Variants in RHOA observed in about 807,000 individuals in gnomAD.
RHOA encodes the protein ras homolog family member A, also known as transforming protein RhoA.
A neutral mutation model predicts 17.5 loss-of-function variants in RHOA; 3 were observed. That is an observed-to-expected ratio of 0.17 (90% CI 0.08 to 0.44). The LOEUF (loss-of-function observed/expected upper bound fraction) is 0.44. Among genes scored for constraint, RHOA ranks in the 20% least tolerant of loss-of-function variants. The pLI is 0.99. For synonymous variants in RHOA, 98 were observed against 88.4 expected, an observed-to-expected ratio of 1.11 and a Z score of -0.61; for missense variants, 56 against 242.3, an observed-to-expected ratio of 0.23 and a Z score of 5.10.
chr3:49,404,372 A>AGT, intron 1 of RHOA, among the ~76,000 whole-genome samples: 1 of 149,472 alleles, frequency 6.7e-6, no homozygotes, highest in Non-Finnish European at 1.5e-5. Context: ...AGGCAGGTGG[A>AGT]TCACAAGGTC....
intron 1 of RHOA, among the ~76,000 whole-genome samples, chr3:49,403,199 G>A (rs1343074932): frequency 6.6e-6 from 1 of 152,074 alleles, no homozygotes; most frequent in Non-Finnish European, 1.5e-5. Flanking sequence ...TTAGCTGGGT[G>A]TGGTGGCACG....
rs567472551 is a variant in RHOA, at chr3:49,401,918, C to T, written c.-3+9902G>A. ...CTCAACCTGTACTGCCATTATTTGG[C>T]CATCCTGATCAAGTGGCTGCCAAGC... On this transcript the variant is annotated intron_variant, in intron 1 of 4. Coordinates refer to ENST00000418115, the MANE Select transcript of RHOA (RefSeq NM_001664.4). Among the ~76,000 whole-genome samples, 8 of 152,306 alleles carry T rather than the reference C, an allele frequency of 5.3e-5. No homozygotes were observed. In the South Asian group the frequency reaches 1.7e-3, roughly 32 times the overall value.
At chr3:49,381,842 G>A (rs1170152812) in intron 1 of RHOA, among the ~76,000 whole-genome samples, 1 of 150,420 alleles carries the variant, frequency 6.6e-6, no homozygotes, top group African/African-American at 2.5e-5. Context: ...TCCAGTTTAG[G>A]CAACAAGAGC....
intron 2 of RHOA, 67 bp from the exon 3 acceptor site, chr3:49,368,615 CACTT>C (rs2048096518): frequency 3.8e-6 from 6 of 1,567,654 alleles, no homozygotes; most frequent in Non-Finnish European, 4.4e-6. Flanking sequence ...GAAAAAGTGA[CACTT>C]ACCATAGTAC....
intron 3 of RHOA, among the ~76,000 whole-genome samples, chr3:49,367,978 C>T (rs547054663): frequency 2.0e-5 from 3 of 151,740 alleles, no homozygotes; most frequent in African/African-American, 4.8e-5. Context: ...GCCATAATCT[C>T]GGCTCACTGC....
chr3:49,374,178 G>C, intron 2 of RHOA, among the ~76,000 whole-genome samples: 1 of 152,082 alleles, frequency 6.6e-6, no homozygotes, highest in South Asian at 2.1e-4. Context: ...GTGAAACCCC[G>C]TCTCTACTAA....
chr3:49,383,239 C>T (rs2048345764), intron 1 of RHOA, among the ~76,000 whole-genome samples: 1 of 151,532 alleles, frequency 6.6e-6, no homozygotes, highest in Non-Finnish European at 1.5e-5. Flanking sequence ...CGAGACCATC[C>T]CGGCTAACAT....
At chr3:49,388,590 CT>C (rs1342464449) in intron 1 of RHOA, among the ~76,000 whole-genome samples, 1 of 152,140 alleles carries the variant, frequency 6.6e-6, no homozygotes, top group Non-Finnish European at 1.5e-5. Context: ...TAATGAGCAA[CT>C]CTCCGCATTT....
intron 3 of RHOA, among the ~76,000 whole-genome samples, chr3:49,363,200 T>G (rs1018444798): frequency 2.7e-4 from 41 of 149,290 alleles, no homozygotes; most frequent in Non-Finnish European, 5.4e-4. Context: ...GGGCGGATCA[T>G]GAGGTCAGGA....
chr3:49,380,558 A>T (rs1421321855), intron 1 of RHOA, among the ~76,000 whole-genome samples: 2 of 151,538 alleles, frequency 1.3e-5, no homozygotes, highest in African/African-American at 4.8e-5. Flanking sequence ...TATTAAAATT[A>T]CCCAGGCGTG....
chr3:49,382,148 T>C (rs2048328544), intron 1 of RHOA, among the ~76,000 whole-genome samples: 1 of 149,254 alleles, frequency 6.7e-6, no homozygotes. Flanking sequence ...TGAAATCCCG[T>C]CTCTACTAAA....
chr3:49,390,020 A>G (rs926450904), intron 1 of RHOA, among the ~76,000 whole-genome samples: 1 of 152,092 alleles, frequency 6.6e-6, no homozygotes, highest in African/African-American at 2.4e-5. Flanking sequence ...TTTAGAAGAC[A>G]GAAGCAAATC....
At chr3:49,368,812 A>T (rs1361303849) in intron 2 of RHOA, among the ~76,000 whole-genome samples, 1 of 144,368 alleles carries the variant, frequency 6.9e-6, no homozygotes, top group Non-Finnish European at 1.5e-5. Flanking sequence ...GGTTCACACC[A>T]TTCTCCTGCC....
At chr3:49,376,800 T>C (rs1401868439) in intron 1 of RHOA, among the ~76,000 whole-genome samples, 2 of 151,982 alleles carry the variant, frequency 1.3e-5, no homozygotes, top group Non-Finnish European at 2.9e-5. Flanking sequence ...GTTTGGATAT[T>C]CCTTCTTTTA....
intron 1 of RHOA, among the ~76,000 whole-genome samples, chr3:49,393,830 C>T (rs1210315581): frequency 1.3e-5 from 2 of 151,464 alleles, no homozygotes; most frequent in African/African-American, 4.9e-5. Flanking sequence ...CTGTCTCAGC[C>T]TCCTGAGTAG....
intron 1 of RHOA, among the ~76,000 whole-genome samples, chr3:49,387,132 A>C (rs1408763335): frequency 1.7e-4 from 4 of 23,322 alleles, no homozygotes; most frequent in Non-Finnish European, 2.9e-4. Flanking sequence ...AAAAAAAAAA[A>C]AAAAAAAAAA....
intron 2 of RHOA, 145 bp downstream of exon 2, chr3:49,375,289 A>C: frequency 1.3e-6 from 1 of 745,482 alleles, no homozygotes; most frequent in Non-Finnish European, 2.1e-6. Context: ...AACTTGGACT[A>C]AGATGGCAGG....
At chr3:49,399,754 G>T (rs1272028211) in intron 1 of RHOA, among the ~76,000 whole-genome samples, 1 of 151,962 alleles carries the variant, frequency 6.6e-6, no homozygotes, top group African/African-American at 2.4e-5. Context: ...ACCTCTAGGG[G>T]CCATATATCC....
intron 1 of RHOA, among the ~76,000 whole-genome samples, chr3:49,407,334 A>G (rs2048851135): frequency 1.4e-5 from 2 of 140,936 alleles, no homozygotes; most frequent in South Asian, 4.8e-4. Flanking sequence ...CCCAGGTTAA[A>G]GTGATTCTCC....
Sources: gnomAD v4.1 joint callset for allele counts (sites outside exome capture counted in the v4.1 genomes callset) on GRCh38, gnomAD v4.1.1 for gene constraint, MANE v1.5 for transcripts, NCBI Gene and HGNC (gene_info 2026-07-23, HGNC 2026-07-21) for gene names.